Variants in TSEN2 observed in about 807,000 individuals in gnomAD.
The protein encoded by TSEN2 is tRNA splicing endonuclease subunit 2.
In TSEN2, 54 loss-of-function variants were observed where a neutral mutation model predicts 59.2. The observed-to-expected ratio is 0.91, with a 90% CI of 0.73 to 1.14. The LOEUF (loss-of-function observed/expected upper bound fraction) is 1.14, where lower values mean the gene tolerates loss of function less well. TSEN2 is among the 50% of genes most tolerant of loss of function. The pLI is 0.00. For missense variants in TSEN2, 636 were observed against 576.2 expected, an observed-to-expected ratio of 1.10 and a Z score of -1.06; for synonymous variants, 195 against 198.2, an observed-to-expected ratio of 0.98 and a Z score of 0.14.
chr3:12,481,897 A>ATGTATGTGTGTG, upstream of TSEN2, among the ~76,000 whole-genome samples: 1 of 150,114 alleles, frequency 6.7e-6, no homozygotes, highest in African/African-American at 2.5e-5. Context: ...CAGTTGATAT[A>ATGTATGTGTGTG]TGTGTGTGTG....
chr3:12,531,535 G>T (rs142075163), intron 10 of TSEN2, 35 bp from the exon 11 acceptor site: 119 of 1,423,954 alleles, frequency 8.4e-5, no homozygotes, highest in Non-Finnish European at 6.3e-5. Flanking sequence ...CTATTATTTT[G>T]TAGGATACAG....
At chr3:12,522,894 A>G (rs1050560409) in intron 8 of TSEN2, among the ~76,000 whole-genome samples, 1 of 152,098 alleles carries the variant, frequency 6.6e-6, no homozygotes, top group African/African-American at 2.4e-5. Context: ...TACACTCCCT[A>G]CTCAGCAGCT....
intron 8 of TSEN2, among the ~76,000 whole-genome samples, chr3:12,520,480 T>C (rs1198525706): frequency 1.3e-5 from 2 of 152,188 alleles, no homozygotes; most frequent in Non-Finnish European, 2.9e-5. Context: ...ATATTTTACT[T>C]ATTTAATTTT....
intron 8 of TSEN2, among the ~76,000 whole-genome samples, chr3:12,520,903 C>G (rs759053786): frequency 2.6e-5 from 4 of 152,034 alleles, no homozygotes; most frequent in Non-Finnish European, 5.9e-5. Flanking sequence ...GGCCTAGTAC[C>G]CAGTAGTTAT....
intron 6 of TSEN2, chr3:12,506,841 T>A: frequency 4.1e-6 from 4 of 985,352 alleles, no homozygotes; most frequent in Non-Finnish European, 4.8e-6. Flanking sequence ...TACAGGTAGG[T>A]CCCAAGAAGT....
intron 8 of TSEN2, among the ~76,000 whole-genome samples, chr3:12,522,463 A>G (rs560694539): frequency 6.6e-6 from 1 of 152,340 alleles, no homozygotes; most frequent in East Asian, 1.9e-4. Flanking sequence ...AAGTGTCTTC[A>G]CATTCTCTGC....
rs962358969 is a variant in TSEN2, at chr3:12,484,875, A to C, written c.-23A>C. ...TGTGGGGGTAGTCAAGGAAAGAAGC[A>C]AAGGGGTAAGACAGGGAGTTAGGAA... On this transcript the variant is annotated 5_prime_UTR_variant, in exon 1 of 12. Transcript: ENST00000284995. The C allele has an allele frequency of 2.0e-5, 3 of 152,366 alleles. No homozygotes were observed. The highest frequency in any genetic ancestry group is 4.4e-5 in the Non-Finnish European group (3 of 68,164). The allele number at this position is 152,366 out of a possible 1,614,324, so 9.4% of individuals were successfully genotyped here.
intron 8 of TSEN2, among the ~76,000 whole-genome samples, chr3:12,520,277 T>C (rs1272222227): frequency 6.6e-6 from 1 of 152,110 alleles, no homozygotes. Context: ...GGATTATAGG[T>C]GTGAGCCACC....
chr3:12,503,443 A>G lies in TSEN2; in HGVS notation c.490A>G (p.Thr164Ala). The change falls in exon 5 of 12, where the codon ACA becomes GCA. Residue 164 changes from threonine (T) to alanine (A), a missense_variant. Physicochemically the swap from Thr to Ala is moderately conservative, Grantham distance 58. Coordinates refer to ENST00000284995, the MANE Select transcript of TSEN2 (RefSeq NM_025265.4). ...NSGMVSNMEG[T>A]AGGERPSVVN... Reference sequence around the variant, plus strand: ...TGGAATGGTTTCCAACATGGAAGGCACAGCAGGGGGAGAGAGACCTTCTGT... The same window carrying G: ...TGGAATGGTTTCCAACATGGAAGGCGCAGCAGGGGGAGAGAGACCTTCTGT... 3.1e-6 allele frequency: 5 copies of G among 1,614,238 alleles called. No homozygotes were observed. The highest frequency in any genetic ancestry group is 4.2e-6 in the Non-Finnish European group (5 of 1,180,054).
At chr3:12,526,744 TC>T (rs1172404711) in intron 8 of TSEN2, among the ~76,000 whole-genome samples, 1 of 152,238 alleles carries the variant, frequency 6.6e-6, no homozygotes, top group Non-Finnish European at 1.5e-5. Flanking sequence ...TGTCCCATGG[TC>T]TTGGCACTGC....
In TSEN2 at chr3:12,509,794, A is replaced by G. The variant is rs1409357452; in HGVS notation, c.909+4563A>G. On this transcript the variant is annotated intron_variant, in intron 6 of 11. Coordinates refer to ENST00000284995, the MANE Select transcript of TSEN2 (RefSeq NM_025265.4). ...AGCATTCATGCTGAGTGTGCTCACA[A>G]GAGCCTGGGGAATAAACTAGAATGT... Among the ~76,000 whole-genome samples, 5 of 152,210 alleles carry G rather than the reference A, an allele frequency of 3.3e-5. No homozygotes were observed. In the South Asian group the frequency reaches 6.2e-4, roughly 19 times the overall value.
chr3:12,536,950 G>T (rs1246291941), downstream of TSEN2, among the ~76,000 whole-genome samples: 1 of 151,612 alleles, frequency 6.6e-6, no homozygotes, highest in Non-Finnish European at 1.5e-5. Flanking sequence ...GTTGCAGTGA[G>T]CTGAGAGCAC....
chr3:12,497,053 C>G (rs1373173046), intron 4 of TSEN2, among the ~76,000 whole-genome samples: 1 of 152,212 alleles, frequency 6.6e-6, no homozygotes, highest in Non-Finnish European at 1.5e-5. Flanking sequence ...TCATGCCTGA[C>G]CTCTCCTGGG....
chr3:12,520,144 G>A (rs1257356038), intron 8 of TSEN2, among the ~76,000 whole-genome samples: 1 of 151,974 alleles, frequency 6.6e-6, no homozygotes, highest in Non-Finnish European at 1.5e-5. Context: ...GAATACAGGC[G>A]CCCGCCATCA....
intron 8 of TSEN2, among the ~76,000 whole-genome samples, chr3:12,519,717 C>T (rs1020588249): frequency 6.6e-6 from 1 of 152,052 alleles, no homozygotes; most frequent in Non-Finnish European, 1.5e-5. Context: ...TTGCACCCCA[C>T]CTGGACGACA....
intron 8 of TSEN2, among the ~76,000 whole-genome samples, chr3:12,520,601 C>T (rs2056559095): frequency 6.6e-6 from 1 of 152,054 alleles, no homozygotes; most frequent in African/African-American, 2.4e-5. Context: ...ACCAGCCTGA[C>T]CAACATGGTG....
At chr3:12,490,653 G>C (rs757323885) in intron 2 of TSEN2, among the ~76,000 whole-genome samples, 1 of 152,192 alleles carries the variant, frequency 6.6e-6, no homozygotes, top group Non-Finnish European at 1.5e-5. Flanking sequence ...ATACAATTCA[G>C]TGATTGTCAT....
chr3:12,509,182 G>GT (rs1320117019), intron 6 of TSEN2, among the ~76,000 whole-genome samples: 8 of 142,488 alleles, frequency 5.6e-5, no homozygotes, highest in African/African-American at 8.4e-5. Flanking sequence ...AACTTTGGGG[G>GT]TTTTTTTTGG....
At chr3:12,538,737 T>G in intron 10 of TSEN2, 1 of 156,340 alleles carries the variant, frequency 6.4e-6, no homozygotes. Context: ...CCTTTTGAAG[T>G]TCGATGATTG....
Sources: allele counts gnomAD v4.1 joint callset (sites outside exome capture counted in the v4.1 genomes callset), GRCh38; gene constraint gnomAD v4.1.1; transcripts MANE v1.5; gene names NCBI Gene and HGNC (gene_info 2026-07-23, HGNC 2026-07-21).